Variants in ATXN1 observed in about 807,000 individuals in gnomAD.
ATXN1 encodes ataxin-1.
In ATXN1, 8 loss-of-function variants were observed where a neutral mutation model predicts 56.4. The observed-to-expected ratio is 0.14, with a 90% CI of 0.08 to 0.26. The LOEUF is 0.26. Ranked by LOEUF, ATXN1 falls within the 10% of genes least tolerant of loss-of-function variation. The pLI is 1.00. For synonymous variants in ATXN1, 514 were observed against 494.6 expected, an observed-to-expected ratio of 1.04 and a Z score of -0.52; for missense variants, 987 against 1,106.5, an observed-to-expected ratio of 0.89 and a Z score of 1.53.
intron 6 of ATXN1, among the ~76,000 whole-genome samples, chr6:16,347,751 A>C (rs1336703384): frequency 6.6e-6 from 1 of 152,230 alleles, no homozygotes; most frequent in Non-Finnish European, 1.5e-5. Context: ...AAAACAGACC[A>C]CTGGGCTCTC....
In ATXN1 at chr6:16,760,517, C is replaced by T. The variant is rs1761053660; in HGVS notation, c.-730+781G>A. Among the ~76,000 whole-genome samples, 1 of 151,258 alleles carries T rather than the reference C, an allele frequency of 6.6e-6. No individual in the cohort carries two copies. Among genetic ancestry groups the T allele is most frequent in the African/African-American group, 2.4e-5 (1 of 41,292 alleles). ...ACCGCCACTCCAGCCGCGCTCCAGG[C>T]ACCCGCACACCCGCTACCCCCGCGC... On this transcript the variant is annotated intron_variant, in intron 1 of 7. Transcript: ENST00000436367. The surrounding 1 kb of genome is among the most constrained non-coding windows in gnomAD (Gnocchi z 5.3).
intron 7 of ATXN1, among the ~76,000 whole-genome samples, chr6:16,320,112 TGACTCTACAGGCTCATGTG>T (rs1457206712): frequency 6.6e-6 from 1 of 152,166 alleles, no homozygotes; most frequent in African/African-American, 2.4e-5. Context: ...GCAAAGGGAC[TGACTCTACAGGCTCATGTG>T]CCGCCTGCAT....
At chr6:16,575,513 C>G (rs1399917138) in intron 4 of ATXN1, among the ~76,000 whole-genome samples, 1 of 152,122 alleles carries the variant, frequency 6.6e-6, no homozygotes, top group Non-Finnish European at 1.5e-5. Context: ...GCTAGATATT[C>G]TACCATTTCA....
intron 3 of ATXN1, among the ~76,000 whole-genome samples, chr6:16,599,012 G>A (rs544742641): frequency 6.6e-6 from 1 of 152,360 alleles, no homozygotes; most frequent in African/African-American, 2.4e-5. Flanking sequence ...GATGACAGGG[G>A]GACATGCCAG....
intron 6 of ATXN1, among the ~76,000 whole-genome samples, chr6:16,455,020 G>A (rs571178041): frequency 1.5e-4 from 23 of 152,314 alleles, no homozygotes; most frequent in Middle Eastern, 3.4e-3. Context: ...GAGGATATAT[G>A]AACTTGAGGT....
intron 3 of ATXN1, among the ~76,000 whole-genome samples, chr6:16,624,768 G>A (rs1056839617): frequency 6.6e-6 from 1 of 152,120 alleles, no homozygotes; most frequent in African/African-American, 2.4e-5. Context: ...GCAAAAACAA[G>A]GGCTTAAATT....
intron 6 of ATXN1, among the ~76,000 whole-genome samples, chr6:16,478,421 T>C (rs772779773): frequency 3.9e-5 from 6 of 152,164 alleles, no homozygotes; most frequent in African/African-American, 1.2e-4. Flanking sequence ...CAGAAACAGG[T>C]AGAGCCATTG....
intron 3 of ATXN1, among the ~76,000 whole-genome samples, chr6:16,587,149 C>T (rs978256121): frequency 1.3e-5 from 2 of 152,098 alleles, no homozygotes; most frequent in African/African-American, 2.4e-5. Flanking sequence ...CAAGTGAAAC[C>T]GACATGTTCA....
intron 6 of ATXN1, among the ~76,000 whole-genome samples, chr6:16,456,342 G>A (rs1348268374): frequency 1.2e-4 from 19 of 152,086 alleles, no homozygotes; most frequent in Non-Finnish European, 1.5e-5. Context: ...TAGAATTCAG[G>A]GGCTAAAACT....
chr6:16,364,156 A>G (rs1761869428), intron 6 of ATXN1, among the ~76,000 whole-genome samples: 1 of 152,200 alleles, frequency 6.6e-6, no homozygotes, highest in African/African-American at 2.4e-5. Context: ...TTTTCATTAC[A>G]CTAAACCATG....
At chr6:16,366,048 T>G (rs1761912069) in intron 6 of ATXN1, among the ~76,000 whole-genome samples, 1 of 152,206 alleles carries the variant, frequency 6.6e-6, no homozygotes, top group Non-Finnish European at 1.5e-5. Context: ...AGAGATTATG[T>G]TTATTTTTGT....
At chr6:16,649,075 T>G (rs1375754144) in intron 3 of ATXN1, among the ~76,000 whole-genome samples, 1 of 152,126 alleles carries the variant, frequency 6.6e-6, no homozygotes, top group Non-Finnish European at 1.5e-5. Flanking sequence ...CTTCATAAAA[T>G]TCCATTCTGA....
At chr6:16,316,268 C>G (rs1041452746) in intron 7 of ATXN1, among the ~76,000 whole-genome samples, 49 of 152,334 alleles carry the variant, frequency 3.2e-4, no homozygotes, top group African/African-American at 1.0e-3. Context: ...CCTCCCTCTT[C>G]CCATCCTGCC....
At chr6:16,475,121 C>T (rs1361740308) in intron 6 of ATXN1, among the ~76,000 whole-genome samples, 1 of 152,140 alleles carries the variant, frequency 6.6e-6, no homozygotes, top group African/African-American at 2.4e-5. Context: ...CTCACTGTGC[C>T]TTTCAGTTTG....
At chr6:16,559,481 T>A (rs1354754534) in intron 4 of ATXN1, among the ~76,000 whole-genome samples, 2 of 152,192 alleles carry the variant, frequency 1.3e-5, no homozygotes, top group East Asian at 3.9e-4. Context: ...TATGTTCCGA[T>A]AAGAAAGGTT....
intron 4 of ATXN1, among the ~76,000 whole-genome samples, chr6:16,563,734 T>C (rs1372974958): frequency 4.6e-5 from 7 of 151,836 alleles, no homozygotes; most frequent in Non-Finnish European, 7.4e-5. Context: ...AGTCTTAAGG[T>C]GAGGAGATGA....
chr6:16,540,578 G>A (rs1761695244), intron 4 of ATXN1, among the ~76,000 whole-genome samples: 1 of 152,144 alleles, frequency 6.6e-6, no homozygotes, highest in Non-Finnish European at 1.5e-5. Flanking sequence ...ACAGATTGGA[G>A]TACTGAGGCA....
intron 6 of ATXN1, among the ~76,000 whole-genome samples, chr6:16,449,808 T>C (rs554542885): frequency 6.6e-6 from 1 of 152,334 alleles, no homozygotes; most frequent in South Asian, 2.1e-4. Flanking sequence ...TTGCAACTCC[T>C]TATTTTAGGG....
intron 3 of ATXN1, among the ~76,000 whole-genome samples, chr6:16,598,296 T>C (rs973543401): frequency 4.6e-5 from 7 of 152,228 alleles, no homozygotes; most frequent in Admixed American, 2.0e-4. Flanking sequence ...AACACATTGA[T>C]ACCTGAAACT....
Sources: allele counts gnomAD v4.1 joint callset (sites outside exome capture counted in the v4.1 genomes callset), GRCh38; gene constraint gnomAD v4.1.1; non-coding constraint Gnocchi (gnomAD v3.1); transcripts MANE v1.5; gene names NCBI Gene and HGNC (gene_info 2026-07-23, HGNC 2026-07-21).